The following CACNA1E variants were observed in gnomAD, a reference collection of about 807,000 sequenced individuals.
The protein encoded by CACNA1E is voltage-dependent R-type calcium channel subunit alpha-1E.
In CACNA1E, 40 loss-of-function variants were observed where a neutral mutation model predicts 259.2. The ratio of observed to expected loss-of-function variants is 0.15; its 90% CI spans 0.12 to 0.20. The LOEUF (loss-of-function observed/expected upper bound fraction) is 0.20. Ranked by LOEUF, CACNA1E falls within the 10% of genes least tolerant of loss-of-function variation. CACNA1E has a pLI of 1.00. For synonymous variants in CACNA1E, 1,104 were observed against 1,138.5 expected, an observed-to-expected ratio of 0.97 and a Z score of 0.61; for missense variants, 1,874 against 3,040.1, an observed-to-expected ratio of 0.62 and a Z score of 9.02.
chr1:181,546,836 T>C (rs1647528962), intron 3 of CACNA1E, among the ~76,000 whole-genome samples: 1 of 152,228 alleles, frequency 6.6e-6, no homozygotes, highest in African/African-American at 2.4e-5. Context: ...GGTGTTAGCC[T>C]GGGGTAAGAA....
At chr1:181,649,794 A>C (rs199975) in intron 6 of CACNA1E, among the ~76,000 whole-genome samples, 147,153 of 152,176 alleles carry the variant, frequency 0.97, 71,341 homozygotes, top group Non-Finnish European at 1. Flanking sequence ...TAGGTGGGGG[A>C]TAAATGATGA....
At chr1:181,346,852 G>A (rs78213138) in intron 1 of CACNA1E, among the ~76,000 whole-genome samples, 2,079 of 152,182 alleles carry the variant, frequency 0.014, 23 homozygotes, top group Non-Finnish European at 0.023. Flanking sequence ...CTCCTGCCTT[G>A]GGGCCACTGC....
At chr1:181,493,687 G>A (rs972181778) in intron 1 of CACNA1E, among the ~76,000 whole-genome samples, 4 of 152,176 alleles carry the variant, frequency 2.6e-5, no homozygotes, top group African/African-American at 9.7e-5. Flanking sequence ...GACTTGATAT[G>A]TGGCTAATGC....
At chr1:181,369,757 A>T (rs2804693) in intron 1 of CACNA1E, among the ~76,000 whole-genome samples, 28,429 of 152,144 alleles carry the variant, frequency 0.19, 2,878 homozygotes, top group African/African-American at 0.27. Context: ...GTAGGAGAAG[A>T]GGGGAGAAAC....
chr1:181,798,424 C>G lies in CACNA1E; in HGVS notation c.6532C>G (p.His2178Asp), dbSNP rs1317769479. 1 of 1,613,792 alleles carries G rather than the reference C, an allele frequency of 6.2e-7. No homozygotes were observed. Among genetic ancestry groups the G allele is most frequent in the African/African-American group, 1.3e-5 (1 of 75,034 alleles). ...CCTTTCCTACAGCTCCCTGATTCGA[C>G]ACGCGGGCAGCATCTCTCCACCTGC... ...PLLSYSSLIRHAGSISPPADG... is the reference protein window; with the variant it reads ...PLLSYSSLIRDAGSISPPADG... Residue 2178 changes from histidine to aspartate, a missense_variant, in exon 48 of 48, where the codon CAC becomes GAC. By Grantham distance (81) the His-to-Asp change is moderately conservative (BLOSUM62 -1). Around this residue, in one of 14 missense-constraint regions of CACNA1E, gnomAD observed 542 missense variants for 587.2 expected, o/e 0.92. Coordinates refer to ENST00000367573, the MANE Select transcript of CACNA1E (RefSeq NM_001205293.3). The surrounding 1 kb of genome is among the most constrained non-coding windows in gnomAD (Gnocchi z 4.2).
intron 3 of CACNA1E, among the ~76,000 whole-genome samples, chr1:181,542,375 C>T (rs1299412232): frequency 6.6e-6 from 1 of 152,186 alleles, no homozygotes; most frequent in Non-Finnish European, 1.5e-5. Flanking sequence ...TAACAACAGA[C>T]TTGACTTGAT....
At chr1:181,575,012 A>G (rs1315169159) in intron 3 of CACNA1E, among the ~76,000 whole-genome samples, 3 of 125,012 alleles carry the variant, frequency 2.4e-5, no homozygotes, top group African/African-American at 8.4e-5. Flanking sequence ...ATGACAGAGC[A>G]AGACTCTGTC....
chr1:181,380,065 C>A (rs1054981334), intron 1 of CACNA1E, among the ~76,000 whole-genome samples: 2 of 148,298 alleles, frequency 1.3e-5, no homozygotes, highest in African/African-American at 4.9e-5. Flanking sequence ...AAGCCTAAAT[C>A]AACCATTAAA....
At chr1:181,486,101 A>G (rs1663790177) in intron 1 of CACNA1E, among the ~76,000 whole-genome samples, 1 of 152,230 alleles carries the variant, frequency 6.6e-6, no homozygotes, top group South Asian at 2.1e-4. Flanking sequence ...CCTTTCCACC[A>G]GGCGTTGCGA....
chr1:181,534,960 G>A (rs568538786), intron 3 of CACNA1E, among the ~76,000 whole-genome samples: 3 of 152,118 alleles, frequency 2.0e-5, no homozygotes, highest in East Asian at 3.9e-4. Flanking sequence ...AATAGAGGAG[G>A]TGGCAAAAGG....
chr1:181,504,622 A>C (rs1292105415), intron 1 of CACNA1E, among the ~76,000 whole-genome samples: 1 of 152,248 alleles, frequency 6.6e-6, no homozygotes, highest in Non-Finnish European at 1.5e-5. Flanking sequence ...TGAAGAGCTC[A>C]GCTCCAGGCC....
chr1:181,430,465 A>C (rs1659635175), intron 2 of CACNA1E, among the ~76,000 whole-genome samples: 1 of 152,120 alleles, frequency 6.6e-6, no homozygotes, highest in Non-Finnish European at 1.5e-5. Context: ...AGCACAAAGC[A>C]CAGCTTCTCT....
intron 2 of CACNA1E, among the ~76,000 whole-genome samples, chr1:181,428,278 T>G (rs1025375947): frequency 6.6e-6 from 1 of 152,108 alleles, no homozygotes; most frequent in African/African-American, 2.4e-5. Flanking sequence ...ATTAATAATA[T>G]GCCAGCAGGA....
intron 1 of CACNA1E, among the ~76,000 whole-genome samples, chr1:181,400,277 T>A (rs1446032958): frequency 6.6e-6 from 1 of 152,238 alleles, no homozygotes; most frequent in East Asian, 1.9e-4. Context: ...AGCCAGAGGT[T>A]TTCTAGTTAA....
intron 7 of CACNA1E, among the ~76,000 whole-genome samples, chr1:181,686,644 T>C (rs1650613661): frequency 6.6e-6 from 1 of 152,208 alleles, no homozygotes. Context: ...TCACACTGAC[T>C]TGCTATGGCT....
chr1:181,730,411 C>T (rs149240676), intron 18 of CACNA1E, among the ~76,000 whole-genome samples: 1,554 of 152,300 alleles, frequency 0.01, 14 homozygotes, highest in Non-Finnish European at 0.015. Context: ...TCTGTTTTTG[C>T]GGGAACAGTT....
At chr1:181,759,830 G>C (rs1370301362) in intron 32 of CACNA1E, among the ~76,000 whole-genome samples, 1 of 152,164 alleles carries the variant, frequency 6.6e-6, no homozygotes, top group Non-Finnish European at 1.5e-5. Context: ...CAGAGACTCT[G>C]GGCTGGGTTC....
At chr1:181,676,391 A>G (rs1649382430) in intron 7 of CACNA1E, among the ~76,000 whole-genome samples, 1 of 152,162 alleles carries the variant, frequency 6.6e-6, no homozygotes, top group South Asian at 2.1e-4. Flanking sequence ...CCATAATATA[A>G]TCGGTGTTTA....
intron 38 of CACNA1E, among the ~76,000 whole-genome samples, chr1:181,778,367 A>T (rs1320600853): frequency 6.6e-6 from 1 of 152,200 alleles, no homozygotes; most frequent in Admixed American, 6.5e-5. Context: ...GGTACTGATG[A>T]GCTGCTATCT....
Sources: allele counts gnomAD v4.1 joint callset (sites outside exome capture counted in the v4.1 genomes callset), GRCh38; gene constraint gnomAD v4.1.1; regional missense constraint gnomAD v4.1.1; non-coding constraint Gnocchi (gnomAD v3.1); transcripts MANE v1.5; gene names NCBI Gene and HGNC (gene_info 2026-07-23, HGNC 2026-07-21).